UPF2: variants seen among roughly 807,000 people sequenced by gnomAD.
UPF2 encodes the protein regulator of nonsense transcripts 2.
Under a neutral mutation model 141.4 loss-of-function variants are expected in UPF2, and 17 were observed. The ratio of observed to expected loss-of-function variants is 0.12; its 90% confidence interval spans 0.08 to 0.18. The LOEUF (loss-of-function observed/expected upper bound fraction) is 0.18. Among genes scored for constraint, UPF2 ranks in the 10% least tolerant of loss-of-function variants. The probability of loss-of-function intolerance (pLI) is 1.00; values close to 1 mark genes in which losing one functional copy is unlikely to be tolerated. For synonymous variants in UPF2, 540 were observed against 498.0 expected, an observed-to-expected ratio of 1.08 and a Z score of -1.12; for missense variants, 1,152 against 1,515.9, an observed-to-expected ratio of 0.76 and a Z score of 3.99.
At chr10:11,926,822 C>G (rs761063821) in intron 21 of UPF2, among the ~76,000 whole-genome samples, 3 of 152,254 alleles carry the variant, frequency 2.0e-5, no homozygotes, top group South Asian at 2.1e-4. Flanking sequence ...CAAGTGTAGC[C>G]GATTCTTCCA....
In UPF2 at chr10:11,935,002, T is replaced by C. The variant is rs1832832020; in HGVS notation, c.3546+1543A>G. Among the ~76,000 whole-genome samples, 1 of 152,064 alleles carries C rather than the reference T, an allele frequency of 6.6e-6. No homozygotes were observed. Among genetic ancestry groups the C allele is most frequent in the Non-Finnish European group, 1.5e-5 (1 of 67,996 alleles). ...GTATATCACTTGTATACTGCACAAG[T>C]ATAGTGCACAATTTTGATCTCGGTG... On this transcript the variant is annotated intron_variant, in intron 19 of 21. Transcript: ENST00000357604. This position sits in a 1 kb window ranked among gnomAD's most constrained non-coding sequence, Gnocchi z 4.9.
intron 10 of UPF2, 49 bp downstream of exon 10, chr10:11,967,292 A>T: frequency 9.0e-7 from 1 of 1,108,438 alleles, no homozygotes; most frequent in Non-Finnish European, 1.3e-6. Context: ...ATTTATAATT[A>T]AAACTTTAAA....
At chr10:11,943,691 A>G (rs562080413) in intron 16 of UPF2, among the ~76,000 whole-genome samples, 16 of 152,304 alleles carry the variant, frequency 1.1e-4, no homozygotes, top group African/African-American at 3.6e-4. Context: ...TATTGTTCCT[A>G]TTTTACACAT....
chr10:11,950,481 G>A (rs921302751), intron 15 of UPF2, among the ~76,000 whole-genome samples: 3 of 152,152 alleles, frequency 2.0e-5, no homozygotes, highest in Admixed American at 6.5e-5. Context: ...CACAAACAGC[G>A]ATCTATTTTT....
rs577095240 is a variant in UPF2, at chr10:11,958,033, T to C, written c.2370+1138A>G. On this transcript the variant is annotated intron_variant, in intron 12 of 21. Transcript: ENST00000357604. ...ACAAGTTAAAAATATGTGAAGTACATAGGAAAGTGTCTGGCACATTATAAA... is the reference window on the plus strand; with the variant it reads ...ACAAGTTAAAAATATGTGAAGTACACAGGAAAGTGTCTGGCACATTATAAA... Among the ~76,000 whole-genome samples the C allele has an allele frequency of 1.5e-4, 23 of 152,192 alleles. No homozygotes were observed. In the South Asian group the frequency reaches 4.6e-3, roughly 30 times the overall value.
chr10:11,927,404 CA>C (rs1832726556), intron 21 of UPF2, among the ~76,000 whole-genome samples: 1 of 152,146 alleles, frequency 6.6e-6, no homozygotes, highest in Non-Finnish European at 1.5e-5. Flanking sequence ...CTTTTATTGG[CA>C]AAAACCGCAT....
At chr10:11,969,199 ATACTGT>A (rs1833372570) in intron 9 of UPF2, among the ~76,000 whole-genome samples, 1 of 151,272 alleles carries the variant, frequency 6.6e-6, no homozygotes, top group Non-Finnish European at 1.5e-5. Context: ...ACAGAGTCTC[ATACTGT>A]TGCTCAGGCT....
At chr10:12,021,918 G>GACCC (rs2131297090) in intron 3 of UPF2, among the ~76,000 whole-genome samples, 1 of 152,236 alleles carries the variant, frequency 6.6e-6, no homozygotes, top group Non-Finnish European at 1.5e-5. Flanking sequence ...GGGCAAGGCG[G>GACCC]GCGGATCACT....
At chr10:11,951,809 G>A (rs747325780) in intron 15 of UPF2, among the ~76,000 whole-genome samples, 1 of 152,128 alleles carries the variant, frequency 6.6e-6, no homozygotes, top group Non-Finnish European at 1.5e-5. Flanking sequence ...ACAGGATTGT[G>A]GGTTTTTTTT....
In UPF2 at chr10:11,928,890, C is replaced by T. The variant is rs878988777; in HGVS notation, c.3809+975G>A. On this transcript the variant is annotated intron_variant, in intron 21 of 21. Transcript: ENST00000357604. ...ACAGGCCGGGCATGGTGGCTCACGCCTGTAATCCCAGCACTTTGGGAGGCC... is the reference window on the plus strand; with the variant it reads ...ACAGGCCGGGCATGGTGGCTCACGCTTGTAATCCCAGCACTTTGGGAGGCC... Among the ~76,000 whole-genome samples the T allele has an allele frequency of 2.0e-5, 3 of 152,230 alleles. No individual in the cohort carries two copies. The South Asian group carries it at 6.2e-4, about 31-fold the overall frequency.
At chr10:12,007,301 T>C (rs1216556911) in intron 4 of UPF2, among the ~76,000 whole-genome samples, 1 of 152,194 alleles carries the variant, frequency 6.6e-6, no homozygotes, top group Admixed American at 6.5e-5. Flanking sequence ...ACTATCAAGC[T>C]GTTAAGAGTG....
intron 2 of UPF2, among the ~76,000 whole-genome samples, chr10:12,031,180 AAAAAAAAAAAC>A (rs1834517088): frequency 6.6e-6 from 1 of 151,328 alleles, no homozygotes; most frequent in South Asian, 2.1e-4. Flanking sequence ...TCTCAAAAAA[AAAAAAAAAAAC>A]AAAACAGTTT....
In UPF2 at chr10:11,935,802, G is replaced by A. The variant is rs1260876269; in HGVS notation, c.3546+743C>T. On this transcript the variant is annotated intron_variant, in intron 19 of 21. Transcript: ENST00000357604. This position sits in a 1 kb window ranked among gnomAD's most constrained non-coding sequence, Gnocchi z 4.9. The stretch of plus-strand genomic sequence containing the variant: ...ACCTGGCACGTAGTGATGCTCAATA[G>A]TTGACAAATCAACTATGGATCGCTA... 6.6e-6 allele frequency among the ~76,000 whole-genome samples: 1 copy of A among 152,198 alleles called. No individual in the cohort carries two copies. The highest frequency in any genetic ancestry group is 1.5e-5 in the Non-Finnish European group (1 of 68,040).
At chr10:12,001,977 CACATTATGCTCGG>C in intron 5 of UPF2, 152 bp from the exon 6 acceptor site, 1 of 728,714 alleles carries the variant, frequency 1.4e-6, no homozygotes, top group Non-Finnish European at 2.1e-6. Context: ...TTTTATAAAA[CACATTATGCTCGG>C]CTGGGCATGA....
intron 8 of UPF2, among the ~76,000 whole-genome samples, chr10:11,989,777 G>C (rs1340365985): frequency 6.6e-6 from 1 of 152,158 alleles, no homozygotes; most frequent in African/African-American, 2.4e-5. Context: ...ACTAAGCTGA[G>C]TTCACACGCT....
chr10:11,928,226 A>G (rs1832736424), intron 21 of UPF2, among the ~76,000 whole-genome samples: 1 of 152,056 alleles, frequency 6.6e-6, no homozygotes, highest in African/African-American at 2.4e-5. Context: ...AATACCAACT[A>G]CTTGGGAGGC....
chr10:11,943,761 A>G (rs1832965791), intron 16 of UPF2, among the ~76,000 whole-genome samples: 1 of 152,176 alleles, frequency 6.6e-6, no homozygotes. Context: ...GCTGTTAAGC[A>G]GAAGACCTGG....
chr10:11,934,764 A>AT (rs1326283232), intron 19 of UPF2, among the ~76,000 whole-genome samples: 1 of 151,906 alleles, frequency 6.6e-6, no homozygotes, highest in Admixed American at 6.6e-5. Context: ...TAATTTTTGT[A>AT]TTTTTAGTAG....
intron 19 of UPF2, among the ~76,000 whole-genome samples, chr10:11,934,575 C>A (rs1832821957): frequency 6.6e-6 from 1 of 152,146 alleles, no homozygotes; most frequent in Non-Finnish European, 1.5e-5. Context: ...GCTCCACACT[C>A]CATGATTATT....
Sources: gnomAD v4.1 joint callset for allele counts (sites outside exome capture counted in the v4.1 genomes callset) on GRCh38, gnomAD v4.1.1 for gene constraint, Gnocchi (gnomAD v3.1) non-coding constraint, MANE v1.5 for transcripts, NCBI Gene and HGNC (gene_info 2026-07-23, HGNC 2026-07-21) for gene names.